The following SPMIP7 variants were observed in gnomAD, a reference collection of about 807,000 sequenced individuals.
SPMIP7 encodes the protein sperm microtubule inner protein 7.
chr7:50,121,876 T>G, the SPMIP7 span, among the ~76,000 whole-genome samples: 3 of 151,992 alleles, frequency 2.0e-5, no homozygotes, highest in Non-Finnish European at 4.4e-5. Context: ...AGGCTGGCCT[T>G]GAACTCCTGA....
At chr7:50,140,608 C>CA in the SPMIP7 span, among the ~76,000 whole-genome samples, 11 of 151,594 alleles carry the variant, frequency 7.3e-5, no homozygotes, top group Admixed American at 5.2e-4. Flanking sequence ...CCATGGATGG[C>CA]AAAAAAAAGT....
At chr7:50,116,277 A>G in the SPMIP7 span, among the ~76,000 whole-genome samples, 1 of 152,184 alleles carries the variant, frequency 6.6e-6, no homozygotes, top group East Asian at 1.9e-4. Context: ...CACCATGCCC[A>G]GCTAATTTTT....
At chr7:50,118,612 T>C in the SPMIP7 span, among the ~76,000 whole-genome samples, 35 of 152,220 alleles carry the variant, frequency 2.3e-4, no homozygotes, top group African/African-American at 8.4e-4. Context: ...TTATGGAGCA[T>C]CCCTGGAGAA....
chr7:50,142,171 G>A, the SPMIP7 span: 3 of 152,170 alleles, frequency 2.0e-5, no homozygotes, highest in Non-Finnish European at 4.4e-5. Flanking sequence ...AAATCTAAAG[G>A]AAGGATATAG....
At chr7:50,129,873 A>T in the SPMIP7 span, 1 of 856,856 alleles carries the variant, frequency 1.2e-6, no homozygotes, top group Non-Finnish European at 1.9e-6. Context: ...TATGTCTATA[A>T]TATCCTGGAT....
the SPMIP7 span, among the ~76,000 whole-genome samples, chr7:50,102,976 A>T: frequency 1.4e-5 from 2 of 148,132 alleles, no homozygotes; most frequent in African/African-American, 2.5e-5. Flanking sequence ...TATATATATA[A>T]AATGTATATA....
the SPMIP7 span, among the ~76,000 whole-genome samples, chr7:50,146,184 C>A: frequency 6.6e-6 from 1 of 152,108 alleles, no homozygotes; most frequent in East Asian, 1.9e-4. Flanking sequence ...ATTTGTTTTT[C>A]AAATAGTGTG....
chr7:50,149,647 C>T, the SPMIP7 span, among the ~76,000 whole-genome samples: 1 of 152,178 alleles, frequency 6.6e-6, no homozygotes, highest in South Asian at 2.1e-4. Context: ...TCTGCTGTTG[C>T]CATAGATGTA....
At chr7:50,110,299 G>C in the SPMIP7 span, among the ~76,000 whole-genome samples, 2 of 150,462 alleles carry the variant, frequency 1.3e-5, no homozygotes, top group African/African-American at 2.4e-5. Context: ...AGAGGTGGGG[G>C]AAAAAAACAC....
At chr7:50,116,717 A>AT in the SPMIP7 span, among the ~76,000 whole-genome samples, 1 of 152,214 alleles carries the variant, frequency 6.6e-6, no homozygotes, top group African/African-American at 2.4e-5. Flanking sequence ...TTCTAACTAT[A>AT]TTTTTGTGGG....
At chr7:50,097,580 AC>A in the SPMIP7 span, among the ~76,000 whole-genome samples, 2 of 151,784 alleles carry the variant, frequency 1.3e-5, no homozygotes, top group Non-Finnish European at 2.9e-5. Context: ...TTGCTGTACG[AC>A]CCAGGGCTAG....
the SPMIP7 span, among the ~76,000 whole-genome samples, chr7:50,120,551 G>GAGTAAAA: frequency 6.6e-6 from 1 of 152,148 alleles, no homozygotes; most frequent in Non-Finnish European, 1.5e-5. Flanking sequence ...TACTACTACA[G>GAGTAAAA]AAAGCTTAAT....
At chr7:50,131,010 A>G in the SPMIP7 span, among the ~76,000 whole-genome samples, 1 of 152,188 alleles carries the variant, frequency 6.6e-6, no homozygotes, top group African/African-American at 2.4e-5. Context: ...TCTGAGTGAC[A>G]TGAGGCTTTA....
chr7:50,156,468 C>A, the SPMIP7 span, among the ~76,000 whole-genome samples: 1 of 152,038 alleles, frequency 6.6e-6, no homozygotes, highest in Non-Finnish European at 1.5e-5. Flanking sequence ...ATAGGTTCCT[C>A]ACTTATTAAG....
At chr7:50,141,354 C>T in the SPMIP7 span, 1 of 1,551,576 alleles carries the variant, frequency 6.4e-7, no homozygotes. Flanking sequence ...AGCCAAGCAG[C>T]GGTACTCTAA....
the SPMIP7 span, among the ~76,000 whole-genome samples, chr7:50,147,908 G>A: frequency 0.27 from 41,630 of 152,090 alleles, 7,205 homozygotes; most frequent in Non-Finnish European, 0.4. Context: ...TTTTAAGTGG[G>A]TCTCTGCGTC....
the SPMIP7 span, among the ~76,000 whole-genome samples, chr7:50,143,011 A>G: frequency 2.6e-5 from 4 of 152,188 alleles, no homozygotes; most frequent in African/African-American, 9.7e-5. Context: ...TTGAAAGCAA[A>G]TATGTCTCTT....
At chr7:50,145,182 G>A in the SPMIP7 span, among the ~76,000 whole-genome samples, 1 of 151,818 alleles carries the variant, frequency 6.6e-6, no homozygotes, top group Non-Finnish European at 1.5e-5. Flanking sequence ...AGAATCGCTT[G>A]AGCCTGGGAG....
At chr7:50,142,065 G>C in the SPMIP7 span, 1 of 152,006 alleles carries the variant, frequency 6.6e-6, no homozygotes, top group Non-Finnish European at 1.5e-5. Context: ...CTTGAAGGCT[G>C]TCGTGCTGTG....
Sources: gnomAD v4.1 joint callset for allele counts (sites outside exome capture counted in the v4.1 genomes callset) on GRCh38, gnomAD v4.1.1 for gene constraint, MANE v1.5 for transcripts, NCBI Gene and HGNC (gene_info 2026-07-23, HGNC 2026-07-21) for gene names.